Variants in TMEM161B observed in about 807,000 individuals in gnomAD.
TMEM161B encodes the protein transmembrane protein 161B.
Under a neutral mutation model 61.8 loss-of-function variants are expected in TMEM161B, and 34 were observed. That is an observed-to-expected ratio of 0.55 (90% CI 0.42 to 0.73). The LOEUF is 0.73. Ranked by LOEUF, TMEM161B falls within the 30% of genes least tolerant of loss-of-function variation. TMEM161B has a pLI of 0.00. For missense variants in TMEM161B, 456 were observed against 558.5 expected (o/e 0.82, Z 1.85); for synonymous variants, 167 against 192.8 (o/e 0.87, Z 1.11).
In TMEM161B at chr5:88,199,288, G is replaced by C. The variant is rs183370269; in HGVS notation, c.915-138C>G. The C allele has an allele frequency of 1.4e-3, 1,071 of 738,718 alleles. 2 individuals are homozygous for C. Among genetic ancestry groups the C allele is most frequent in the Non-Finnish European group, 2.0e-3 (915 of 468,480 alleles). 45.8% of individuals were successfully genotyped at this position (738,718 alleles called of 1,614,324 possible). A position where few individuals can be genotyped will look rare whatever the true frequency, so the allele number is the denominator to read the frequency against. On this transcript the variant is annotated intron_variant, in intron 9 of 11. Transcript: ENST00000296595. ...TAGACACATAAAAGAATCTGACTCT[G>C]CCATAGACTTAACTGTATAATACTT...
intron 10 of TMEM161B, 76 bp downstream of exon 10, chr5:88,198,899 TA>T: frequency 7.3e-7 from 1 of 1,360,898 alleles, no homozygotes; most frequent in Non-Finnish European, 1.0e-6. Context: ...TACTATCTAC[TA>T]AAGGAAACCA....
intron 1 of TMEM161B, among the ~76,000 whole-genome samples, chr5:88,255,549 C>T (rs1754879310): frequency 1.3e-5 from 2 of 152,130 alleles, no homozygotes. Flanking sequence ...TACAAAATGG[C>T]AATTTCATAT....
At chr5:88,268,386 G>T (rs1384105530) in intron 1 of TMEM161B, among the ~76,000 whole-genome samples, 6 of 152,200 alleles carry the variant, frequency 3.9e-5, no homozygotes, top group Non-Finnish European at 8.8e-5. Context: ...AGGGGGCGCA[G>T]AAGAGGTGAC....
At position 88,268,725 on chromosome 5, in the gene TMEM161B, G is replaced by A; in HGVS notation, c.-2C>T. 2 of 1,614,106 alleles carry A rather than the reference G, an allele frequency of 1.2e-6. No homozygotes were observed. ...TGCCCTCACAGAAGAACTCACCATG[G>A]CGCCTAGGATAGGTCGTGGACCAGA... On this transcript the variant is annotated 5_prime_UTR_variant, in exon 1 of 12. Transcript: ENST00000296595.
In TMEM161B at chr5:88,224,959, G is replaced by GTTTTTTT. The variant is rs202011902; in HGVS notation, c.289+809_289+810insAAAAAAA. ...ATAATACACATAACACACAAAATAT[G>GTTTTTTT]TTTTTGTTTTTTTTTTTTTTTTTTT... On this transcript the variant is annotated intron_variant, in intron 4 of 11. Coordinates refer to ENST00000296595, the MANE Select transcript of TMEM161B (RefSeq NM_153354.5). Among the ~76,000 whole-genome samples, 52 of 101,208 alleles carry GTTTTTTT rather than the reference G, an allele frequency of 5.1e-4. 8 individuals are homozygous for GTTTTTTT. Among genetic ancestry groups the GTTTTTTT allele is most frequent in the Admixed American group, 1.0e-3 (8 of 7,842 alleles). The allele number at this position is 101,208 out of a possible 152,430, so 66.4% of individuals were successfully genotyped here. A position where few individuals can be genotyped will look rare whatever the true frequency, so the allele number is the denominator to read the frequency against.
At chr5:88,212,813 C>A (rs1747079902) in intron 5 of TMEM161B, among the ~76,000 whole-genome samples, 4 of 152,108 alleles carry the variant, frequency 2.6e-5, no homozygotes, top group Non-Finnish European at 1.5e-5. Context: ...GGCGATGGAG[C>A]GAGATTATCT....
Position 88,207,159 on chromosome 5 carries a change from A to C in TMEM161B, c.468T>G (p.Thr156=). 3.1e-6 allele frequency: 5 copies of C among 1,609,192 alleles called. No individual in the cohort carries two copies. Among genetic ancestry groups the C allele is most frequent in the Non-Finnish European group, 3.4e-6 (4 of 1,178,560 alleles). Residue 156 remains threonine, a synonymous_variant, in exon 6 of 12, where the codon ACT becomes ACG. Transcript: ENST00000296595. Reference sequence around the variant, plus strand: ...CATCTTCTACTTTAAAATAGTGTGTAGTTAATGAAAATAGAACTTTGCTGC... The same window carrying C: ...CATCTTCTACTTTAAAATAGTGTGTCGTTAATGAAAATAGAACTTTGCTGC... The part of the protein sequence containing the change: ...SFAIKVLFSL[T]THYFKVEDGG...
intron 5 of TMEM161B, among the ~76,000 whole-genome samples, chr5:88,216,346 C>T (rs554182349): frequency 6.6e-6 from 1 of 152,108 alleles, no homozygotes; most frequent in East Asian, 1.9e-4. Flanking sequence ...CTAATTATCA[C>T]GGGAAAATAT....
chr5:88,256,206 G>C (rs1372181092), intron 1 of TMEM161B, among the ~76,000 whole-genome samples: 1 of 152,066 alleles, frequency 6.6e-6, no homozygotes, highest in Admixed American at 6.5e-5. Flanking sequence ...AGTTAAAAGA[G>C]GTTGAATAAA....
At chr5:88,204,344 G>A (rs1280840468) in intron 8 of TMEM161B, among the ~76,000 whole-genome samples, 2 of 151,954 alleles carry the variant, frequency 1.3e-5, no homozygotes, top group African/African-American at 4.8e-5. Context: ...AATCCCCCAA[G>A]GGAAAAAATC....
chr5:88,191,983 T>A, downstream of TMEM161B, among the ~76,000 whole-genome samples: 2 of 600 alleles, frequency 3.3e-3, no homozygotes, highest in Non-Finnish European at 4.7e-3. Context: ...AAAAAAAGTG[T>A]ATATATATAT....
chr5:88,232,273 G>A (rs747406083), intron 2 of TMEM161B, among the ~76,000 whole-genome samples: 1 of 151,986 alleles, frequency 6.6e-6, no homozygotes. Context: ...CAAATTTTTC[G>A]TCCCTGTCTA....
At position 88,196,392 on chromosome 5, in the gene TMEM161B, G is replaced by C; in HGVS notation, c.1283C>G (p.Ala428Gly). ...AACAGTTACCTTCATTTTCCCTTCA[G>C]CTGATGGTAATTCAGAGTAAACAGA... ...SNSVYSELPS[A>G]EGKMKVTVTQ... The change falls in exon 12 of 12, where the codon GCT becomes GGT. Residue 428 changes from alanine (A) to glycine (G), a missense_variant. Coordinates refer to ENST00000296595, the MANE Select transcript of TMEM161B (RefSeq NM_153354.5). 6.2e-7 allele frequency: 1 copy of C among 1,613,360 alleles called. No individual in the cohort carries two copies. The highest frequency in any genetic ancestry group is 8.5e-7 in the Non-Finnish European group (1 of 1,179,542).
At chr5:88,193,872 C>T (rs1749234589), downstream of TMEM161B, among the ~76,000 whole-genome samples, 1 of 152,122 alleles carries the variant, frequency 6.6e-6, no homozygotes, top group Non-Finnish European at 1.5e-5. Context: ...TTTGATGACG[C>T]TGATATATCT....
At chr5:88,205,745 A>G in intron 8 of TMEM161B, 69 bp downstream of exon 8, 1 of 1,542,272 alleles carries the variant, frequency 6.5e-7, no homozygotes, top group Non-Finnish European at 8.9e-7. Context: ...TTACATTACA[A>G]TATTATACCT....
At chr5:88,197,891 C>G (rs988606390) in intron 10 of TMEM161B, 126 bp from the exon 11 acceptor site, 14 of 751,818 alleles carry the variant, frequency 1.9e-5, no homozygotes, top group Non-Finnish European at 1.9e-5. Flanking sequence ...AGCTAAATGT[C>G]AGTAAGTTGT....
intron 1 of TMEM161B, among the ~76,000 whole-genome samples, chr5:88,261,270 GAATA>G (rs1326441092): frequency 6.6e-6 from 1 of 151,906 alleles, no homozygotes; most frequent in Non-Finnish European, 1.5e-5. Flanking sequence ...TGAATTCAAA[GAATA>G]AATAAATGGA....
exon 13 of TMEM161B, chr5:88,190,021 GTAAGGGCAGTCCAAATCTAGGAA>G (rs1748626253): frequency 1.4e-6 from 1 of 699,914 alleles, no homozygotes; most frequent in African/African-American, 1.7e-5. Context: ...GAGCCGATCC[GTAAGGGCAGTCCAAATCTAGGAA>G]TAAGATCTCA....
chr5:88,266,570 A>C (rs557345974), intron 1 of TMEM161B, among the ~76,000 whole-genome samples: 7 of 152,330 alleles, frequency 4.6e-5, no homozygotes, highest in Admixed American at 3.3e-4. Context: ...AACTCTTATC[A>C]AAATTGAGTG....
Sources: gnomAD v4.1 joint callset for allele counts (sites outside exome capture counted in the v4.1 genomes callset) on GRCh38, gnomAD v4.1.1 for gene constraint, MANE v1.5 for transcripts, NCBI Gene and HGNC (gene_info 2026-07-23, HGNC 2026-07-21) for gene names.